COL25A1: variants seen among roughly 807,000 people sequenced by gnomAD.
The protein encoded by COL25A1 is collagen alpha-1(XXV) chain.
COL25A1 carries 103 observed loss-of-function variants against 128.4 expected under a neutral mutation model. The ratio of observed to expected loss-of-function variants is 0.80; its 90% CI spans 0.68 to 0.94. COL25A1 has a LOEUF of 0.94. Among genes scored for constraint, COL25A1 ranks in the 40% least tolerant of loss-of-function variants. COL25A1 has a pLI of 0.00. For missense variants in COL25A1, 745 were observed against 840.0 expected, an observed-to-expected ratio of 0.89 and a Z score of 1.40; for synonymous variants, 279 against 277.2, an observed-to-expected ratio of 1.01 and a Z score of -0.06.
chr4:108,922,818 T>G (rs1745625662), intron 11 of COL25A1, among the ~76,000 whole-genome samples: 1 of 152,206 alleles, frequency 6.6e-6, no homozygotes, highest in Admixed American at 6.5e-5. Flanking sequence ...AACATTAATT[T>G]TGAATTGGGA....
At chr4:109,282,446 T>C (rs1205091817) in intron 3 of COL25A1, among the ~76,000 whole-genome samples, 1 of 151,936 alleles carries the variant, frequency 6.6e-6, no homozygotes, top group Non-Finnish European at 1.5e-5. Context: ...TGCATAAAAA[T>C]GAGAAAAAAT....
At chr4:109,267,674 A>C (rs1781884034) in intron 3 of COL25A1, among the ~76,000 whole-genome samples, 1 of 152,116 alleles carries the variant, frequency 6.6e-6, no homozygotes, top group African/African-American at 2.4e-5. Flanking sequence ...CAAAATCCAC[A>C]ACTTTTTGAG....
chr4:109,265,419 A>T (rs1300170849), intron 3 of COL25A1, among the ~76,000 whole-genome samples: 3 of 152,096 alleles, frequency 2.0e-5, no homozygotes, highest in Non-Finnish European at 4.4e-5. Flanking sequence ...TTTTCAATTA[A>T]CAGTAACATT....
chr4:108,906,455 C>T (rs1022008951), intron 13 of COL25A1, among the ~76,000 whole-genome samples: 2 of 152,190 alleles, frequency 1.3e-5, no homozygotes, highest in Non-Finnish European at 2.9e-5. Flanking sequence ...CCTATAAAGG[C>T]ATATGCCTGT....
chr4:109,192,488 TA>T (rs1775697841), intron 3 of COL25A1, among the ~76,000 whole-genome samples: 1 of 152,062 alleles, frequency 6.6e-6, no homozygotes, highest in African/African-American at 2.4e-5. Flanking sequence ...ATAAGGCCTT[TA>T]AAAAGGTAAT....
intron 3 of COL25A1, among the ~76,000 whole-genome samples, chr4:109,071,639 T>A (rs1315322933): frequency 1.3e-5 from 2 of 152,042 alleles, no homozygotes; most frequent in East Asian, 1.9e-4. Context: ...TGGGCAAAGG[T>A]TATGAACAGA....
At chr4:108,856,899 CAT>C (rs1736587894) in intron 24 of COL25A1, among the ~76,000 whole-genome samples, 1 of 151,996 alleles carries the variant, frequency 6.6e-6, no homozygotes, top group African/African-American at 2.4e-5. Flanking sequence ...TTCGTGGACT[CAT>C]AGAAAAAAAT....
At chr4:108,984,267 C>G (rs558851026) in intron 6 of COL25A1, among the ~76,000 whole-genome samples, 15 of 152,338 alleles carry the variant, frequency 9.8e-5, no homozygotes, top group African/African-American at 3.4e-4. Context: ...ATTTACAATC[C>G]TTGAGCTAGA....
intron 8 of COL25A1, among the ~76,000 whole-genome samples, chr4:108,944,411 A>C (rs1304758903): frequency 1.3e-5 from 2 of 152,204 alleles, no homozygotes; most frequent in Non-Finnish European, 2.9e-5. Context: ...CCTATATTAC[A>C]CAGTCAGAAT....
chr4:108,849,059 C>T (rs559470703), intron 26 of COL25A1, among the ~76,000 whole-genome samples: 1 of 152,030 alleles, frequency 6.6e-6, no homozygotes, highest in Non-Finnish European at 1.5e-5. Context: ...GAGATGCAGG[C>T]TAAAAAAGAG....
intron 3 of COL25A1, among the ~76,000 whole-genome samples, chr4:109,083,745 G>A (rs1049475542): frequency 2.0e-5 from 3 of 152,004 alleles, no homozygotes; most frequent in Non-Finnish European, 4.4e-5. Flanking sequence ...GATTACAGGC[G>A]TGAGCCACCG....
intron 3 of COL25A1, among the ~76,000 whole-genome samples, chr4:109,132,189 T>C (rs1163886754): frequency 1.3e-5 from 2 of 152,188 alleles, no homozygotes; most frequent in Non-Finnish European, 2.9e-5. Flanking sequence ...GAAAAGCCAT[T>C]AGACTTTAAA....
intron 6 of COL25A1, among the ~76,000 whole-genome samples, chr4:108,975,299 T>A (rs1752330279): frequency 6.6e-6 from 1 of 152,124 alleles, no homozygotes; most frequent in African/African-American, 2.4e-5. Flanking sequence ...CTACTAAAAA[T>A]ACAAAAATTA....
At chr4:109,156,840 C>T (rs903220095) in intron 3 of COL25A1, among the ~76,000 whole-genome samples, 4 of 152,140 alleles carry the variant, frequency 2.6e-5, no homozygotes, top group African/African-American at 9.7e-5. Context: ...TGCAAATGTA[C>T]TTTTCTCTGT....
intron 3 of COL25A1, among the ~76,000 whole-genome samples, chr4:109,278,435 C>T (rs1230279717): frequency 6.6e-6 from 1 of 152,076 alleles, no homozygotes; most frequent in African/African-American, 2.4e-5. Context: ...GAATTTAGTC[C>T]TATAATTTTT....
rs377281585 is a variant in COL25A1 at position 109,123,353 on chromosome 4, T to C, written c.368-73174A>G. 3.0e-4 allele frequency among the ~76,000 whole-genome samples: 46 copies of C among 152,164 alleles called. No individual in the cohort carries two copies. In the East Asian group the frequency reaches 8.7e-3, roughly 29 times the overall value. The stretch of plus-strand genomic sequence containing the variant: ...TCCTTTAAATATAATCTATAAACTT[T>C]TGCTTACTGAAACAAAATCATATCA... On this transcript the variant is annotated intron_variant, in intron 3 of 37. Transcript: ENST00000399132.
chr4:109,277,902 G>A (rs1333630357), intron 3 of COL25A1, among the ~76,000 whole-genome samples: 3 of 152,194 alleles, frequency 2.0e-5, no homozygotes, highest in Admixed American at 6.5e-5. Flanking sequence ...TTGGGAGGCC[G>A]AGGCAGGTGG....
rs1560806276 is a variant in COL25A1 at position 108,886,477 on chromosome 4, TG to T, written c.976-2256del. Among the ~76,000 whole-genome samples the T allele has an allele frequency of 8.8e-4, 115 of 130,038 alleles. 2 individuals carry two copies. The highest frequency in any genetic ancestry group is 1.1e-3 in the African/African-American group (39 of 36,622). The allele number at this position is 130,038 out of a possible 152,430, so 85.3% of individuals were successfully genotyped here. ...GTGTGTGTGTGTGTGTGTGTGTGTG[TG>T]TGTGTGTGTGTGTGTTTAGCTCATC... On this transcript the variant is annotated intron_variant, in intron 18 of 37. Transcript: ENST00000399132.
At chr4:108,869,216 A>G in intron 19 of COL25A1, 66 bp from the exon 20 acceptor site, 1 of 755,902 alleles carries the variant, frequency 1.3e-6, no homozygotes, top group Non-Finnish European at 1.9e-6. Flanking sequence ...AAATAAATAA[A>G]TAAATAAAAA....
Sources: gnomAD v4.1 joint callset for allele counts (sites outside exome capture counted in the v4.1 genomes callset) on GRCh38, gnomAD v4.1.1 for gene constraint, MANE v1.5 for transcripts, NCBI Gene and HGNC (gene_info 2026-07-23, HGNC 2026-07-21) for gene names.